The following SNF8 variants were observed in gnomAD, a reference collection of about 807,000 sequenced individuals.
SNF8 encodes SNF8 subunit of ESCRT-II, also known as vacuolar-sorting protein SNF8.
A neutral mutation model predicts 36.8 loss-of-function variants in SNF8; 19 were observed. The observed-to-expected ratio is 0.52, with a 90% CI of 0.36 to 0.76. SNF8 has a LOEUF of 0.76. Ranked by LOEUF, SNF8 falls within the 30% of genes least tolerant of loss-of-function variation. SNF8 has a pLI of 0.00. For synonymous variants in SNF8, 127 were observed against 127.4 expected (o/e 1.00, Z 0.02); for missense variants, 268 against 322.9 (o/e 0.83, Z 1.30).
At chr17:48,943,211 T>C (rs1445599712) in intron 2 of SNF8, among the ~76,000 whole-genome samples, 3 of 151,006 alleles carry the variant, frequency 2.0e-5, no homozygotes, top group Non-Finnish European at 4.4e-5. Flanking sequence ...GGCTCACGCC[T>C]GTAGTCCCAG....
rs1209114439 is a variant in SNF8 at position 48,933,187 on chromosome 17, T to A, written c.564+18A>T. ...GACTGTCCCTTGCACACACACACAC[T>A]CGAAGGTGCACCAGTACCTCTGCCA... On this transcript the variant is annotated intron_variant, in intron 6 of 7. Transcript: ENST00000502492. 9.9e-6 allele frequency: 16 copies of A among 1,611,786 alleles called. No homozygotes were observed. Among genetic ancestry groups the A allele is most frequent in the Admixed American group, 3.3e-5 (2 of 59,962 alleles).
At chr17:48,944,508 G>A (rs1384965332) in intron 1 of SNF8, among the ~76,000 whole-genome samples, 173 bp downstream of exon 1, 1 of 152,228 alleles carries the variant, frequency 6.6e-6, no homozygotes, top group African/African-American at 2.4e-5. Context: ...AAAGGGCTGG[G>A]CATCTGGGAA....
At chr17:48,943,807 A>T (rs758521784) in intron 2 of SNF8, 118 bp downstream of exon 2, 3 of 872,304 alleles carry the variant, frequency 3.4e-6, no homozygotes, top group Non-Finnish European at 3.8e-6. Context: ...CTCAGAAATC[A>T]AAATTTGCCA....
intron 2 of SNF8, among the ~76,000 whole-genome samples, chr17:48,943,074 C>A (rs548633849): frequency 2.3e-4 from 35 of 149,032 alleles, no homozygotes; most frequent in African/African-American, 7.9e-4. Context: ...CCATGTTGGC[C>A]AGGCTGGTCT....
intron 2 of SNF8, among the ~76,000 whole-genome samples, chr17:48,942,329 CT>C (rs112817029): frequency 0.24 from 35,664 of 148,182 alleles, 5,418 homozygotes; most frequent in African/African-American, 0.43. Flanking sequence ...AAGAGCGAAA[CT>C]TGGTCTCAAA....
chr17:48,935,240 G>A lies in SNF8; in HGVS notation c.422+930C>T, dbSNP rs188560913. 1.2e-4 allele frequency among the ~76,000 whole-genome samples: 18 copies of A among 152,256 alleles called. No individual in the cohort carries two copies. The East Asian group carries it at 1.9e-3, about 16-fold the overall frequency. ...ACAAAAATTAGCCAGGCGGCCAGGCGCGGTGGCAGACACCTGTAATCCCAG... is the reference window on the plus strand; with the variant it reads ...ACAAAAATTAGCCAGGCGGCCAGGCACGGTGGCAGACACCTGTAATCCCAG... On this transcript the variant is annotated intron_variant, in intron 5 of 7. Coordinates refer to ENST00000502492, the MANE Select transcript of SNF8 (RefSeq NM_007241.4).
intron 5 of SNF8, 52 bp from the exon 6 acceptor site, chr17:48,933,398 A>G (rs1334501342): frequency 6.2e-7 from 1 of 1,604,874 alleles, no homozygotes; most frequent in South Asian, 1.1e-5. Flanking sequence ...AGACCTAACA[A>G]CACAGTTTCA....
chr17:48,937,295 A>C (rs2040949213), intron 3 of SNF8, 171 bp from the exon 4 acceptor site: 2 of 706,698 alleles, frequency 2.8e-6, no homozygotes, highest in Non-Finnish European at 5.2e-6. Context: ...ACTCCTGCTG[A>C]AGAACAGGGT....
chr17:48,931,219 C>T (rs1171131160), intron 7 of SNF8, among the ~76,000 whole-genome samples: 4 of 152,038 alleles, frequency 2.6e-5, no homozygotes, highest in Non-Finnish European at 5.9e-5. Context: ...TTCTTCAGTA[C>T]GATGAAATTT....
intron 3 of SNF8, among the ~76,000 whole-genome samples, chr17:48,940,561 C>T (rs1010459364): frequency 7.3e-5 from 11 of 151,704 alleles, no homozygotes; most frequent in Admixed American, 3.3e-4. Flanking sequence ...GAGGCCGAGG[C>T]GGGCGGATCA....
chr17:48,940,565 C>T (rs968998906), intron 3 of SNF8, among the ~76,000 whole-genome samples: 5 of 151,736 alleles, frequency 3.3e-5, no homozygotes, highest in African/African-American at 9.7e-5. Flanking sequence ...CCGAGGCGGG[C>T]GGATCACGAG....
At chr17:48,935,374 G>A (rs962869958) in intron 5 of SNF8, among the ~76,000 whole-genome samples, 1 of 151,926 alleles carries the variant, frequency 6.6e-6, no homozygotes, top group Non-Finnish European at 1.5e-5. Flanking sequence ...TTAGCCGGGC[G>A]TGGTGGCGGG....
rs944840395 is a variant in SNF8, at chr17:48,929,354, A to G, written c.*1121T>C. On this transcript the variant is annotated 3_prime_UTR_variant, in exon 8 of 8. Coordinates refer to ENST00000502492, the MANE Select transcript of SNF8 (RefSeq NM_007241.4). ...GTGAGCATGTCCTACAAGGATAGGC[A>G]GAGGAAGAGATGGGCCCAGGCTATA... 1.3e-5 allele frequency: 2 copies of G among 152,218 alleles called. No homozygotes were observed. The highest frequency in any genetic ancestry group is 2.9e-5 in the Non-Finnish European group (2 of 68,048). 9.4% of individuals were successfully genotyped at this position (152,218 alleles called of 1,614,324 possible). A position where few individuals can be genotyped will look rare whatever the true frequency, so the allele number is the denominator to read the frequency against.
rs758343367 is a variant in SNF8, at chr17:48,933,305, C to A, written c.464G>T (p.Gly155Val). The A allele has an allele frequency of 1.2e-6, 2 of 1,614,188 alleles. No homozygotes were observed. The highest frequency in any genetic ancestry group is 1.7e-6 in the Non-Finnish European group (2 of 1,180,018). The change falls in exon 6 of 8, where the codon GGC becomes GTC. Residue 155 changes from glycine to valine, a missense_variant. Transcript: ENST00000502492. The stretch of plus-strand genomic sequence containing the variant: ...CACAGGGATGATGCCGAAGCCAGTG[C>A]CAAGTGCCTTTAGTTTCTTGATGGC... ...IRAIKKLKAL[G>V]TGFGIIPVGG...
Position 48,931,633 on chromosome 17 carries a change from A to G in SNF8, c.639+10T>C. The G allele has an allele frequency of 6.2e-7, 1 of 1,611,794 alleles. No homozygotes were observed. The highest frequency in any genetic ancestry group is 1.7e-4 in the Middle Eastern group (1 of 6,048). ...GCCTGTCTTTTCTGGACTGTTCCAA[A>G]GTTGCATACCAGCACTTGCCGCGCT... On this transcript the variant is annotated intron_variant, in intron 7 of 7. Transcript: ENST00000502492.
rs1207620957 is a variant in SNF8 at position 48,933,343 on chromosome 17, ATC to A, written c.424_425del (p.Asp142Ter). 2 of 1,614,192 alleles carry A rather than the reference ATC, an allele frequency of 1.2e-6. No homozygotes were observed. Among genetic ancestry groups the A allele is most frequent in the Non-Finnish European group, 1.7e-6 (2 of 1,180,022 alleles). ...GTTTCTTGATGGCTCTGATCAGGTCATCTCTGAGGTAAGGAAGAGTTGCTTAA... is the reference window on the plus strand; with the variant it reads ...GTTTCTTGATGGCTCTGATCAGGTCATCTGAGGTAAGGAAGAGTTGCTTAA... ...RGKFAQDVSQ[D>X]DLIRAIKKLK... On this transcript the variant is annotated frameshift_variant and splice_region_variant, in exon 6 of 8. Transcript: ENST00000502492. LOFTEE classifies it high-confidence loss of function.
chr17:48,930,519 A>AGT lies in SNF8; in HGVS notation c.731_732dup (p.Ser245ThrfsTer82), dbSNP rs760938372. On this transcript the variant is annotated frameshift_variant, in exon 8 of 8. Coordinates refer to ENST00000502492, the MANE Select transcript of SNF8 (RefSeq NM_007241.4). LOFTEE classifies it high-confidence loss of function. ...GCCTCCTCAGCTGTAATCTCCTGGG[A>AGT]GTAGAGGTCAGTGAAGAGAGCTGGC... The AGT allele has an allele frequency of 6.2e-7, 1 of 1,612,224 alleles. No homozygotes were observed. The highest frequency in any genetic ancestry group is 8.5e-7 in the Non-Finnish European group (1 of 1,179,758).
chr17:48,930,427 C>G lies in SNF8; in HGVS notation c.*48G>C. ...AACAAAATTGCCCAGGTTTATTTGC[C>G]ACCTCCGCCTCCTCCCTGCCTGCTG... On this transcript the variant is annotated 3_prime_UTR_variant, in exon 8 of 8. Transcript: ENST00000502492. 6.9e-7 allele frequency: 1 copy of G among 1,441,160 alleles called. No homozygotes were observed. The allele number at this position is 1,441,160 out of a possible 1,614,324, so 89.3% of individuals were successfully genotyped here. A position where few individuals can be genotyped will look rare whatever the true frequency, so the allele number is the denominator to read the frequency against.
In SNF8 at chr17:48,944,719, C is replaced by CA. The variant is rs1226637357; in HGVS notation, c.15_16insT (p.Val6CysfsTer17). 21 of 1,610,886 alleles carry CA rather than the reference C, an allele frequency of 1.3e-5. No homozygotes were observed. Among genetic ancestry groups the CA allele is most frequent in the Non-Finnish European group, 1.7e-5 (20 of 1,178,998 alleles). ...TTCTTGGCGATGGCGCCAGCTCCCA[C>CA]CCCGCGGCGGTGCATCCCCACCCTG... On this transcript the variant is annotated frameshift_variant, in exon 1 of 8. Transcript: ENST00000502492. LOFTEE classifies it high-confidence loss of function.
Sources: gnomAD v4.1 joint callset for allele counts (sites outside exome capture counted in the v4.1 genomes callset) on GRCh38, gnomAD v4.1.1 for gene constraint, MANE v1.5 for transcripts, NCBI Gene and HGNC (gene_info 2026-07-23, HGNC 2026-07-21) for gene names.